PLCE1: variants seen among roughly 807,000 people sequenced by gnomAD.
PLCE1 encodes the protein 1-phosphatidylinositol 4,5-bisphosphate phosphodiesterase epsilon-1.
A neutral mutation model predicts 242.8 loss-of-function variants in PLCE1; 119 were observed. The observed-to-expected ratio is 0.49, with a 90% confidence interval of 0.42 to 0.57. PLCE1 has a LOEUF of 0.57. Ranked by LOEUF, PLCE1 falls within the 20% of genes least tolerant of loss-of-function variation. The probability of loss-of-function intolerance (pLI) is 0.00; values close to 1 mark genes in which losing one functional copy is unlikely to be tolerated. For missense variants in PLCE1, 2,441 were observed against 2,788.8 expected (o/e 0.88, Z 2.81); for synonymous variants, 945 against 1,017.4 (o/e 0.93, Z 1.35).
chr10:94,309,240 T>C (rs1341278083), intron 27 of PLCE1, among the ~76,000 whole-genome samples: 1 of 152,112 alleles, frequency 6.6e-6, no homozygotes, highest in Non-Finnish European at 1.5e-5. Context: ...TGCACCTCAG[T>C]GCTTGGCAGA....
intron 2 of PLCE1, among the ~76,000 whole-genome samples, chr10:94,075,221 A>G (rs1589965086): frequency 6.6e-6 from 1 of 152,178 alleles, no homozygotes; most frequent in South Asian, 2.1e-4. Context: ...TTAGTCAGGG[A>G]TGTGCCCATG....
chr10:94,178,307 G>A (rs1485095524), intron 4 of PLCE1, among the ~76,000 whole-genome samples: 1 of 152,156 alleles, frequency 6.6e-6, no homozygotes. Flanking sequence ...TTTCAGACCA[G>A]CTGGTCTGAG....
At chr10:94,166,765 T>C (rs954090695) in intron 3 of PLCE1, among the ~76,000 whole-genome samples, 2 of 152,190 alleles carry the variant, frequency 1.3e-5, no homozygotes, top group Non-Finnish European at 2.9e-5. Context: ...ACCTGTTTTT[T>C]ATCGTCTATA....
chr10:94,300,045 C>A (rs1589502422), intron 24 of PLCE1, among the ~76,000 whole-genome samples: 1 of 152,176 alleles, frequency 6.6e-6, no homozygotes, highest in African/African-American at 2.4e-5. Context: ...CTGGTGGGTT[C>A]ACATCTCCAG....
At chr10:94,217,931 G>A (rs1589366507) in intron 4 of PLCE1, among the ~76,000 whole-genome samples, 1 of 150,924 alleles carries the variant, frequency 6.6e-6, no homozygotes, top group Non-Finnish European at 1.5e-5. Context: ...GACAGAGTAT[G>A]CTTCTTACTT....
chr10:94,179,717 G>A (rs1332022114), intron 4 of PLCE1, among the ~76,000 whole-genome samples: 1 of 151,306 alleles, frequency 6.6e-6, no homozygotes, highest in Non-Finnish European at 1.5e-5. Flanking sequence ...TGTTGTCCAG[G>A]CTGGCCTCAA....
At chr10:94,170,274 T>TCCAGAGATCATTCA (rs1272236113) in intron 3 of PLCE1, among the ~76,000 whole-genome samples, 27 of 151,310 alleles carry the variant, frequency 1.8e-4, no homozygotes, top group African/African-American at 6.6e-4. Context: ...ATGCCAGTAT[T>TCCAGAGATCATTCA]CCAGAGATCA....
At chr10:94,287,605 C>T (rs547577448) in intron 22 of PLCE1, 7 of 152,186 alleles carry the variant, frequency 4.6e-5, no homozygotes, top group African/African-American at 1.7e-4. Context: ...CTGTCAGCTC[C>T]CAGGGGTGGG....
In PLCE1 at chr10:94,136,543, G is replaced by A. The variant is rs546169582; in HGVS notation, c.1492+4084G>A. ...TGGTTATGATTATGAGATGGGGGTC[G>A]TGGTCACCTGTACTAGGCGAAAATA... On this transcript the variant is annotated intron_variant, in intron 3 of 32. Transcript: ENST00000371380. Among the ~76,000 whole-genome samples the A allele has an allele frequency of 3.3e-5, 5 of 152,262 alleles. No homozygotes were observed. The South Asian group carries it at 1.0e-3, about 32-fold the overall frequency.
At position 94,284,917 on chromosome 10, in the gene PLCE1, C is replaced by A. The variant is rs41291138; in HGVS notation, c.4987C>A (p.Pro1663Thr). The stretch of plus-strand genomic sequence containing the variant: ...TAAAAAGGAAAGCAGACAGATTGCA[C>A]CAGAGCTTTCTGACCTTGTAATCTA... The part of the protein sequence containing the change: ...QNKKESRQIA[P>T]ELSDLVIYCQ... Residue 1663 changes from proline (P) to threonine (T), a missense_variant, in exon 22 of 33, where the codon CCA becomes ACA. By Grantham distance (38) the Pro-to-Thr change is conservative (BLOSUM62 -1). Around this residue, in one of 5 missense-constraint regions of PLCE1, gnomAD observed 1,004 missense variants for 1,322.7 expected, o/e 0.76. Coordinates refer to ENST00000371380, the MANE Select transcript of PLCE1 (RefSeq NM_016341.4). 2.3e-4 allele frequency: 367 copies of A among 1,611,620 alleles called. No homozygotes were observed. Among genetic ancestry groups the A allele is most frequent in the Non-Finnish European group, 2.9e-4 (342 of 1,177,912 alleles).
rs1276331234 is a variant in PLCE1, at chr10:94,331,908, G to C, written c.*3965G>C. ...TTTTTTTGAGGCAAAGTCTCACTCT[G>C]TTGCCCAGCCTGGAGTGCAGTGGTA... is the stretch of plus-strand genomic sequence containing the variant. On this transcript the variant is annotated 3_prime_UTR_variant, in exon 33 of 33. Coordinates refer to ENST00000371380, the MANE Select transcript of PLCE1 (RefSeq NM_016341.4). 8.0e-6 allele frequency: 1 copy of C among 124,390 alleles called. No homozygotes were observed. The highest frequency in any genetic ancestry group is 1.6e-5 in the Non-Finnish European group (1 of 61,086). The allele number at this position is 124,390 out of a possible 1,614,324, so 7.7% of individuals were successfully genotyped here.
At chr10:94,013,176 G>A (rs1376913400) in intron 1 of PLCE1, among the ~76,000 whole-genome samples, 1 of 152,112 alleles carries the variant, frequency 6.6e-6, no homozygotes, top group Non-Finnish European at 1.5e-5. Flanking sequence ...TGTTATTTGA[G>A]CCCCTTAGTA....
chr10:94,294,506 C>T (rs1263420693), intron 23 of PLCE1, among the ~76,000 whole-genome samples: 1 of 152,022 alleles, frequency 6.6e-6, no homozygotes, highest in Non-Finnish European at 1.5e-5. Flanking sequence ...GGTTCCAGAC[C>T]ACTACAATAA....
intron 22 of PLCE1, among the ~76,000 whole-genome samples, chr10:94,285,403 T>TACTGCCA (rs2052403745): frequency 6.6e-6 from 1 of 152,202 alleles, no homozygotes; most frequent in East Asian, 1.9e-4. Flanking sequence ...CAGTCAAGAT[T>TACTGCCA]CTTTTGTTTG....
At chr10:94,243,562 G>T (rs2050581065) in intron 7 of PLCE1, among the ~76,000 whole-genome samples, 1 of 152,180 alleles carries the variant, frequency 6.6e-6, no homozygotes, top group Admixed American at 6.5e-5. Context: ...GAGGTACACT[G>T]TCTTTGGAAT....
chr10:94,294,032 G>T (rs12781422), intron 23 of PLCE1, among the ~76,000 whole-genome samples: 1 of 152,036 alleles, frequency 6.6e-6, no homozygotes, highest in East Asian at 1.9e-4. Flanking sequence ...GCTTAAGCCC[G>T]GAAGGCAGAG....
At chr10:94,270,359 G>A (rs531736295) in intron 17 of PLCE1, 127 bp from the exon 18 acceptor site, 124 of 766,176 alleles carry the variant, frequency 1.6e-4, no homozygotes, top group South Asian at 1.1e-3. Context: ...TTGAAAATAC[G>A]AAAACCATCT....
chr10:94,273,679 C>A lies in PLCE1; in HGVS notation c.4624C>A (p.Leu1542Ile), dbSNP rs766002774. 5.0e-6 allele frequency: 8 copies of A among 1,613,942 alleles called. No homozygotes were observed. The highest frequency in any genetic ancestry group is 1.7e-5 in the Admixed American group (1 of 60,020). The change falls in exon 19 of 33, where the codon CTA becomes ATA. Residue 1542 changes from leucine (L) to isoleucine (I), a missense_variant. By Grantham distance (5) the Leu-to-Ile change is conservative. Transcript: ENST00000371380. Reference sequence around the variant, plus strand: ...GAAAGTTCTTCTTAAAAACAAGAAGCTAAAAGCCCATCAGACGCCAGTGGA... The same window carrying A: ...GAAAGTTCTTCTTAAAAACAAGAAGATAAAAGCCCATCAGACGCCAGTGGA... ...RKKVLLKNKK[L>I]KAHQTPVDIL...
chr10:94,101,819 A>G (rs372807712), intron 2 of PLCE1, among the ~76,000 whole-genome samples: 1 of 152,182 alleles, frequency 6.6e-6, no homozygotes, highest in Admixed American at 6.5e-5. Context: ...CCGGAAGGCC[A>G]TTTGTAGAGC....
Sources: allele counts gnomAD v4.1 joint callset (sites outside exome capture counted in the v4.1 genomes callset), GRCh38; gene constraint gnomAD v4.1.1; regional missense constraint gnomAD v4.1.1; transcripts MANE v1.5; gene names NCBI Gene and HGNC (gene_info 2026-07-23, HGNC 2026-07-21).